Variants in BBS9 observed in about 807,000 individuals in gnomAD.
BBS9 encodes the protein Bardet-Biedl syndrome 9.
Under a neutral mutation model 117.7 loss-of-function variants are expected in BBS9, and 89 were observed. That is an observed-to-expected ratio of 0.76 (90% CI 0.64 to 0.90). BBS9 has a LOEUF of 0.90. BBS9 is among the 40% of genes least tolerant of loss of function. The pLI is 0.00. For synonymous variants in BBS9, 379 were observed against 370.9 expected, an observed-to-expected ratio of 1.02 and a Z score of -0.25; for missense variants, 982 against 1,042.2, an observed-to-expected ratio of 0.94 and a Z score of 0.80.
chr7:33,454,861 A>G (rs1838410215), intron 19 of BBS9, among the ~76,000 whole-genome samples: 1 of 152,174 alleles, frequency 6.6e-6, no homozygotes, highest in East Asian at 1.9e-4. Flanking sequence ...TTTATAGACA[A>G]CTTTCCCTGT....
chr7:33,157,273 C>G (rs1794231012), intron 4 of BBS9, among the ~76,000 whole-genome samples: 1 of 152,168 alleles, frequency 6.6e-6, no homozygotes. Context: ...CTGAAAGAAA[C>G]TGGCATATTA....
intron 5 of BBS9, chr7:33,242,878 T>C (rs565776734): frequency 3.9e-6 from 2 of 511,968 alleles, no homozygotes; most frequent in African/African-American, 3.9e-5. Flanking sequence ...TAACATTCAG[T>C]TGGAGAAACA....
At chr7:33,484,140 A>C (rs1355847629) in intron 19 of BBS9, among the ~76,000 whole-genome samples, 1 of 152,204 alleles carries the variant, frequency 6.6e-6, no homozygotes, top group African/African-American at 2.4e-5. Flanking sequence ...GATCATTTTT[A>C]TTCTTCTCTT....
intron 21 of BBS9, among the ~76,000 whole-genome samples, chr7:33,604,462 G>T (rs189538386): frequency 4.7e-4 from 71 of 152,196 alleles, no homozygotes; most frequent in Admixed American, 9.8e-4. Flanking sequence ...CTCAAGGAAG[G>T]CTTCTTTCCC....
intron 19 of BBS9, among the ~76,000 whole-genome samples, chr7:33,456,943 C>T (rs188152118): frequency 6.6e-6 from 1 of 152,288 alleles, no homozygotes; most frequent in East Asian, 1.9e-4. Flanking sequence ...ATGAGTAGCA[C>T]TGTTAATTAA....
At chr7:33,538,715 C>T (rs1851829496) in intron 21 of BBS9, among the ~76,000 whole-genome samples, 1 of 149,280 alleles carries the variant, frequency 6.7e-6, no homozygotes, top group Non-Finnish European at 1.5e-5. Context: ...CTTAAATATA[C>T]AAAAATGGCT....
At chr7:33,375,789 C>T (rs551732373) in intron 17 of BBS9, among the ~76,000 whole-genome samples, 2 of 152,040 alleles carry the variant, frequency 1.3e-5, no homozygotes, top group East Asian at 3.9e-4. Context: ...GATGGGATTT[C>T]ACGCCCAGGC....
At chr7:33,134,335 G>C (rs746342877) in intron 1 of BBS9, among the ~76,000 whole-genome samples, 12 of 151,946 alleles carry the variant, frequency 7.9e-5, no homozygotes, top group Non-Finnish European at 1.5e-4. Flanking sequence ...AACGTGCTGG[G>C]ATTACAGGCG....
intron 19 of BBS9, among the ~76,000 whole-genome samples, chr7:33,422,210 G>A (rs1482960988): frequency 6.6e-6 from 1 of 152,122 alleles, no homozygotes; most frequent in Non-Finnish European, 1.5e-5. Flanking sequence ...AGTTATGTTT[G>A]TATGGTATGC....
At chr7:33,466,179 C>A (rs1840135668) in intron 19 of BBS9, among the ~76,000 whole-genome samples, 2 of 152,100 alleles carry the variant, frequency 1.3e-5, no homozygotes, top group African/African-American at 2.4e-5. Context: ...AAGATCAACT[C>A]TCTTAGCAAA....
At chr7:33,402,119 A>T (rs1478703978) in intron 19 of BBS9, among the ~76,000 whole-genome samples, 1 of 152,174 alleles carries the variant, frequency 6.6e-6, no homozygotes, top group Non-Finnish European at 1.5e-5. Flanking sequence ...AAATTGCCTC[A>T]TTAGATGAGG....
intron 19 of BBS9, among the ~76,000 whole-genome samples, chr7:33,436,879 A>G (rs1278533519): frequency 3.9e-5 from 6 of 152,256 alleles, no homozygotes; most frequent in African/African-American, 1.4e-4. Context: ...AGCATGGAAT[A>G]CTGTATAAAA....
chr7:33,488,253 A>T (rs1295925308), intron 19 of BBS9, among the ~76,000 whole-genome samples: 1 of 152,144 alleles, frequency 6.6e-6, no homozygotes, highest in Admixed American at 6.5e-5. Flanking sequence ...CTTGTAGGTA[A>T]TAAGTGGCAT....
At chr7:33,608,783 A>G (rs1864716773), downstream of BBS9, among the ~76,000 whole-genome samples, 1 of 152,032 alleles carries the variant, frequency 6.6e-6, no homozygotes, top group East Asian at 1.9e-4. Context: ...CATAGTTTGC[A>G]CATATTTTCT....
intron 19 of BBS9, among the ~76,000 whole-genome samples, chr7:33,445,256 A>G (rs1238788566): frequency 1.9e-4 from 29 of 152,166 alleles, no homozygotes; most frequent in Admixed American, 1.9e-3. Flanking sequence ...CGGAGATTGA[A>G]CTGTGCTAAT....
At chr7:33,425,077 G>C (rs1426818823) in intron 19 of BBS9, among the ~76,000 whole-genome samples, 1 of 152,062 alleles carries the variant, frequency 6.6e-6, no homozygotes, top group African/African-American at 2.4e-5. Context: ...ACTTATCTAA[G>C]GACATTCTAA....
chr7:33,184,097 C>CACAGAGAG (rs1554333529), intron 5 of BBS9, among the ~76,000 whole-genome samples: 2 of 149,454 alleles, frequency 1.3e-5, no homozygotes, highest in East Asian at 2.0e-4. Flanking sequence ...AGTTTGCACA[C>CACAGAGAG]AGAGAGAGAG....
intron 3 of BBS9, among the ~76,000 whole-genome samples, chr7:33,155,202 C>T (rs2128113608): frequency 6.6e-6 from 1 of 152,216 alleles, no homozygotes; most frequent in African/African-American, 2.4e-5. Flanking sequence ...ATGTTTTAAC[C>T]TTTCCAAGAT....
At chr7:33,279,724 A>C (rs981582086) in intron 9 of BBS9, among the ~76,000 whole-genome samples, 30 of 152,068 alleles carry the variant, frequency 2.0e-4, no homozygotes, top group Non-Finnish European at 4.0e-4. Context: ...TTTCAGATTA[A>C]ATCTCATTCT....
Sources: gnomAD v4.1 joint callset for allele counts (sites outside exome capture counted in the v4.1 genomes callset) on GRCh38, gnomAD v4.1.1 for gene constraint, MANE v1.5 for transcripts, NCBI Gene and HGNC (gene_info 2026-07-23, HGNC 2026-07-21) for gene names.